Variants in CAMK2B observed in about 807,000 individuals in gnomAD.
CAMK2B encodes calcium/calmodulin dependent protein kinase II beta, also known as calcium/calmodulin-dependent protein kinase type II subunit beta.
A neutral mutation model predicts 93.7 loss-of-function variants in CAMK2B; 27 were observed. The observed-to-expected ratio is 0.29, with a 90% CI of 0.21 to 0.40. The LOEUF is 0.40. Among genes scored for constraint, CAMK2B ranks in the 10% least tolerant of loss-of-function variants. The probability of loss-of-function intolerance (pLI) is 1.00; values close to 1 mark genes in which losing one functional copy is unlikely to be tolerated. For synonymous variants in CAMK2B, 374 were observed against 358.8 expected, an observed-to-expected ratio of 1.04 and a Z score of -0.48; for missense variants, 568 against 895.8, an observed-to-expected ratio of 0.63 and a Z score of 4.67.
At chr7:44,233,475 G>A (rs2096598236) in intron 15 of CAMK2B, among the ~76,000 whole-genome samples, 1 of 152,158 alleles carries the variant, frequency 6.6e-6, no homozygotes, top group African/African-American at 2.4e-5. Context: ...GGCAAACCCA[G>A]TATTCCCGTG....
chr7:44,220,030 C>T, intron 23 of CAMK2B, 30 bp downstream of exon 23: 1 of 1,510,052 alleles, frequency 6.6e-7, no homozygotes. Context: ...ACCCCTCTGC[C>T]CCAGCTGTCA....
chr7:44,248,390 C>T lies in CAMK2B; in HGVS notation c.342-1198G>A, dbSNP rs944332977. 6.6e-6 allele frequency among the ~76,000 whole-genome samples: 1 copy of T among 152,182 alleles called. No homozygotes were observed. Among genetic ancestry groups the T allele is most frequent in the African/African-American group, 2.4e-5 (1 of 41,456 alleles). On this transcript the variant is annotated intron_variant, in intron 5 of 23. Coordinates refer to ENST00000395749, the MANE Select transcript of CAMK2B (RefSeq NM_001220.5). The surrounding 1 kb of genome is among the most constrained non-coding windows in gnomAD (Gnocchi z 4.1). The stretch of plus-strand genomic sequence containing the variant: ...AGCCCGTGGCTTGAATCTGCTTCTG[C>T]CCAGGTGCCCCTGGAGCCCAACACA...
intron 1 of CAMK2B, among the ~76,000 whole-genome samples, chr7:44,285,878 G>GT (rs1361200630): frequency 1.1e-5 from 1 of 88,022 alleles, no homozygotes; most frequent in African/African-American, 4.4e-5. Flanking sequence ...CGGCGGGGGG[G>GT]CGCGGCGGGG....
chr7:44,276,649 G>C (rs984591071), intron 2 of CAMK2B, among the ~76,000 whole-genome samples: 1 of 152,196 alleles, frequency 6.6e-6, no homozygotes, highest in Non-Finnish European at 1.5e-5. Context: ...GCTGGGGTGA[G>C]CTGCGCATGG....
chr7:44,300,470 C>G (rs1789674938), intron 1 of CAMK2B, among the ~76,000 whole-genome samples: 1 of 150,712 alleles, frequency 6.6e-6, no homozygotes, highest in Non-Finnish European at 1.5e-5. Flanking sequence ...CCAGGAGTAA[C>G]TATATTGATA....
At chr7:44,241,155 G>A (rs571715125) in intron 11 of CAMK2B, among the ~76,000 whole-genome samples, 4 of 152,222 alleles carry the variant, frequency 2.6e-5, no homozygotes, top group African/African-American at 7.2e-5. Flanking sequence ...ACCAGCAGAG[G>A]GCAGTCAGGC....
intron 20 of CAMK2B, among the ~76,000 whole-genome samples, chr7:44,221,984 T>C (rs2096413421): frequency 6.6e-6 from 1 of 152,186 alleles, no homozygotes; most frequent in South Asian, 2.1e-4. Flanking sequence ...TCCTCAATCT[T>C]GCCGCATTCA....
chr7:44,270,084 C>A (rs2096959927), intron 2 of CAMK2B, among the ~76,000 whole-genome samples: 3 of 151,336 alleles, frequency 2.0e-5, no homozygotes, highest in African/African-American at 7.3e-5. Context: ...ACCCCCCCCC[C>A]ATTCCAGGCA....
intron 1 of CAMK2B, among the ~76,000 whole-genome samples, chr7:44,313,863 G>C (rs73317786): frequency 0.021 from 3,246 of 151,474 alleles, 120 homozygotes; most frequent in African/African-American, 0.074. Flanking sequence ...GCACCAGTCA[G>C]ATGCTCCAGT....
intron 4 of CAMK2B, among the ~76,000 whole-genome samples, chr7:44,257,642 CAGCCAGGCAGTGGCAACTGTGTCCT>C (rs2096845772): frequency 6.6e-6 from 1 of 152,386 alleles, no homozygotes; most frequent in Admixed American, 6.5e-5. Context: ...GACACAGCCT[CAGCCAGGCAGTGGCAACTGTGTCCT>C]GGGTCAGCCC....
At chr7:44,239,960 C>T (rs1013014666) in intron 12 of CAMK2B, among the ~76,000 whole-genome samples, 2 of 152,144 alleles carry the variant, frequency 1.3e-5, no homozygotes, top group African/African-American at 2.4e-5. Flanking sequence ...TTGGTGTGAC[C>T]GTGTGCACGC....
At chr7:44,237,742 G>A (rs911229088) in intron 13 of CAMK2B, among the ~76,000 whole-genome samples, 21 of 152,230 alleles carry the variant, frequency 1.4e-4, no homozygotes, top group Non-Finnish European at 2.6e-4. Context: ...GTTAGGTGCC[G>A]CAGGAGCCCA....
intron 4 of CAMK2B, among the ~76,000 whole-genome samples, chr7:44,254,921 T>C (rs886530248): frequency 5.9e-5 from 9 of 151,276 alleles, no homozygotes; most frequent in South Asian, 2.1e-4. Context: ...TACTCCATTT[T>C]TATGGATGAG....
rs1214911579 is a variant in CAMK2B at position 44,228,938 on chromosome 7, G to T, written c.1340-14C>A. 2 of 1,608,634 alleles carry T rather than the reference G, an allele frequency of 1.2e-6. No homozygotes were observed. The highest frequency in any genetic ancestry group is 1.7e-6 in the Non-Finnish European group (2 of 1,177,422). ...AGATCCTGGGGGCTGGGGTGGAACA[G>T]ATGAGACGTGAACATGAGGCAGACA... On this transcript the variant is annotated splice_polypyrimidine_tract_variant and intron_variant, in intron 18 of 23. Transcript: ENST00000395749.
rs764858730 is a variant in CAMK2B, at chr7:44,230,969, AAGGCCG to A, written c.1225+31_1225+36del. ...CCTCAAAGAGCAACCCAGCAATGCCAAGGCCGCTGGGGGGGCAAGGACTCAAGTGCA... is the reference window on the plus strand; with the variant it reads ...CCTCAAAGAGCAACCCAGCAATGCCACTGGGGGGGCAAGGACTCAAGTGCA... On this transcript the variant is annotated intron_variant, in intron 17 of 23. Coordinates refer to ENST00000395749, the MANE Select transcript of CAMK2B (RefSeq NM_001220.5). The A allele has an allele frequency of 8.4e-6, 13 of 1,544,780 alleles. No homozygotes were observed. In the African/African-American group the frequency reaches 1.6e-4, roughly 20 times the overall value.
At chr7:44,290,440 T>G (rs1786464035) in intron 1 of CAMK2B, among the ~76,000 whole-genome samples, 1 of 152,226 alleles carries the variant, frequency 6.6e-6, no homozygotes. Flanking sequence ...CTTTATTTCC[T>G]GCTGTAAATT....
At chr7:44,262,970 G>C in intron 3 of CAMK2B, 35 bp downstream of exon 3, 3 of 1,593,056 alleles carry the variant, frequency 1.9e-6, no homozygotes, top group Non-Finnish European at 2.6e-6. Flanking sequence ...GAGAAGGTGG[G>C]GACCCATCCC....
At chr7:44,235,060 G>T (rs1355532254) in intron 13 of CAMK2B, among the ~76,000 whole-genome samples, 1 of 152,214 alleles carries the variant, frequency 6.6e-6, no homozygotes, top group Non-Finnish European at 1.5e-5. Context: ...GGTTGGGGTG[G>T]GGGCAGCTGA....
In CAMK2B at chr7:44,228,825, GGAGACAGGCAGGGCGGGGGCCCCGCT is replaced by G. The variant is rs761683356; in HGVS notation, c.1413_1438del (p.Ala472GlyfsTer15). 2 of 1,540,588 alleles carry G rather than the reference GGAGACAGGCAGGGCGGGGGCCCCGCT, an allele frequency of 1.3e-6. No homozygotes were observed. The highest frequency in any genetic ancestry group is 4.6e-5 in the East Asian group (2 of 43,490). Reference sequence around the variant, plus strand: ...GGAGGACAGGGGGCCTAGGAGAGCCGGAGACAGGCAGGGCGGGGGCCCCGCTGAGAGGGGGCCCTCGGCTTCTGGGG... The same window carrying G: ...GGAGGACAGGGGGCCTAGGAGAGCCGGAGAGGGGGCCCTCGGCTTCTGGGG... On this transcript the variant is annotated frameshift_variant, in exon 19 of 24. Coordinates refer to ENST00000395749, the MANE Select transcript of CAMK2B (RefSeq NM_001220.5). LOFTEE classifies it high-confidence loss of function.
Sources: allele counts gnomAD v4.1 joint callset (sites outside exome capture counted in the v4.1 genomes callset), GRCh38; gene constraint gnomAD v4.1.1; non-coding constraint Gnocchi (gnomAD v3.1); transcripts MANE v1.5; gene names NCBI Gene and HGNC (gene_info 2026-07-23, HGNC 2026-07-21).